The following CYP3A7 variants were observed in gnomAD, a reference collection of about 807,000 sequenced individuals.
CYP3A7 encodes cytochrome P450 3A7.
A neutral mutation model predicts 55.2 loss-of-function variants in CYP3A7; 45 were observed. The ratio of observed to expected loss-of-function variants is 0.82; its 90% confidence interval spans 0.64 to 1.05. CYP3A7 has a LOEUF of 1.05. Among genes scored for constraint, CYP3A7 ranks in the 50% least tolerant of loss-of-function variants. The probability of loss-of-function intolerance (pLI) is 0.00; values close to 1 mark genes in which losing one functional copy is unlikely to be tolerated. For missense variants in CYP3A7, 548 were observed against 605.3 expected, an observed-to-expected ratio of 0.91 and a Z score of 0.99; for synonymous variants, 180 against 207.4, an observed-to-expected ratio of 0.87 and a Z score of 1.13.
Position 99,713,541 on chromosome 7 carries a change from A to G in CYP3A7, c.799-6T>C, listed in dbSNP as rs575597575. On this transcript the variant is annotated splice_polypyrimidine_tract_variant and splice_region_variant and intron_variant, in intron 8 of 12. Coordinates refer to ENST00000336374, the MANE Select transcript of CYP3A7 (RefSeq NM_000765.5). Reference sequence around the variant, plus strand: ...TGAAGGAAATCCACTCGGTGCTAGAAGCAAAAAGAGAAATTTTATTGACAG... The same window carrying G: ...TGAAGGAAATCCACTCGGTGCTAGAGGCAAAAAGAGAAATTTTATTGACAG... 3.1e-6 allele frequency: 5 copies of G among 1,613,316 alleles called. No individual in the cohort carries two copies. The African/African-American group carries it at 6.7e-5, about 22-fold the overall frequency.
chr7:99,716,662 G>A (rs532895540), intron 6 of CYP3A7, among the ~76,000 whole-genome samples: 23 of 152,120 alleles, frequency 1.5e-4, no homozygotes, highest in African/African-American at 4.8e-4. Context: ...CACCTATAGC[G>A]TTTTTACCAC....
chr7:99,733,360 T>G (rs371577051), intron 1 of CYP3A7, among the ~76,000 whole-genome samples: 30 of 152,322 alleles, frequency 2.0e-4, no homozygotes, highest in East Asian at 1.4e-3. Context: ...AGGCTGTGCT[T>G]GGCAAACTGT....
chr7:99,723,561 T>C (rs929213973), intron 2 of CYP3A7, among the ~76,000 whole-genome samples: 1 of 152,160 alleles, frequency 6.6e-6, no homozygotes, highest in Non-Finnish European at 1.5e-5. Context: ...TCTCTTCACA[T>C]GGACGCAAAT....
intron 4 of CYP3A7, among the ~76,000 whole-genome samples, chr7:99,718,020 G>A (rs1444565871): frequency 6.6e-6 from 1 of 151,928 alleles, no homozygotes; most frequent in Non-Finnish European, 1.5e-5. Context: ...CTAAACCATG[G>A]GCAACATGAA....
chr7:99,710,937 G>A, intron 9 of CYP3A7, 45 bp from the exon 10 acceptor site: 2 of 1,612,814 alleles, frequency 1.2e-6, no homozygotes, highest in African/African-American at 1.3e-5. Context: ...GGTCAATGTA[G>A]GGCATCACAG....
intron 2 of CYP3A7, among the ~76,000 whole-genome samples, chr7:99,730,107 A>C (rs10271611): frequency 6.6e-6 from 1 of 152,180 alleles, no homozygotes; most frequent in African/African-American, 2.4e-5. Context: ...CTGTGGAAAT[A>C]AGCTCATAAT....
intron 7 of CYP3A7, 136 bp downstream of exon 7, chr7:99,715,622 T>C: frequency 6.9e-7 from 1 of 1,455,732 alleles, no homozygotes; most frequent in Non-Finnish European, 9.5e-7. Flanking sequence ...ATGGTGATGG[T>C]CGTACATATC....
Position 99,705,557 on chromosome 7 carries a change from T to C in CYP3A7, c.1455A>G (p.Thr485=). The change falls in exon 13 of 13, where the codon ACA becomes ACG. Residue 485 remains threonine, a synonymous_variant. Transcript: ENST00000336374. ...CAGCCTTTAGAACAATGGGTTTTTC[T>C]GTTAGAAGAAGTCCTCCAAAGCGTA... The part of the protein sequence containing the change: ...LKLRFGGLLL[T]EKPIVLKAES... The C allele has an allele frequency of 1.2e-6, 2 of 1,613,726 alleles. No homozygotes were observed. The highest frequency in any genetic ancestry group is 1.7e-6 in the Non-Finnish European group (2 of 1,179,730).
At chr7:99,727,106 A>G (rs1448418904) in intron 2 of CYP3A7, among the ~76,000 whole-genome samples, 1 of 152,174 alleles carries the variant, frequency 6.6e-6, no homozygotes, top group Non-Finnish European at 1.5e-5. Context: ...CCTTGAAGAC[A>G]GCTCTAGAGG....
chr7:99,729,707 A>T (rs1814548004), intron 2 of CYP3A7, among the ~76,000 whole-genome samples: 1 of 152,130 alleles, frequency 6.6e-6, no homozygotes, highest in Admixed American at 6.5e-5. Flanking sequence ...AATGAGTCTT[A>T]TGATCTCCCC....
intron 9 of CYP3A7, 69 bp downstream of exon 9, chr7:99,713,400 C>T: frequency 1.2e-6 from 2 of 1,603,840 alleles, no homozygotes; most frequent in South Asian, 2.2e-5. Flanking sequence ...ATACTTCCTG[C>T]ACATTTTCAG....
chr7:99,720,920 G>A (rs553320016), intron 3 of CYP3A7: 24 of 164,966 alleles, frequency 1.5e-4, no homozygotes, highest in Admixed American at 4.4e-4. Context: ...CATGTTGCCT[G>A]TATGGGCCAT....
In CYP3A7 at chr7:99,709,193, T is replaced by A. The variant is rs755804468; in HGVS notation, c.1095A>T (p.Arg365Ser). 6.2e-7 allele frequency: 1 copy of A among 1,614,018 alleles called. No individual in the cohort carries two copies. The highest frequency in any genetic ancestry group is 8.5e-7 in the Non-Finnish European group (1 of 1,179,944). Residue 365 changes from arginine (R) to serine (S), a missense_variant, in exon 11 of 13, where the codon AGA (arginine) becomes AGT (serine). Coordinates refer to ENST00000336374, the MANE Select transcript of CYP3A7 (RefSeq NM_000765.5). ...YLDMVVNETL[R>S]LFPVAMRLER... ...CAAGTCTCATAGCAACTGGGAATAA[T>A]CTGAGTGTTTCATTCACCACCATGT...
intron 2 of CYP3A7, among the ~76,000 whole-genome samples, chr7:99,724,266 A>G (rs1814323215): frequency 6.6e-6 from 1 of 152,224 alleles, no homozygotes; most frequent in African/African-American, 2.4e-5. Flanking sequence ...TTCTTCTGCA[A>G]TACCGCTTGG....
At chr7:99,713,198 G>A (rs960827461) in intron 9 of CYP3A7, among the ~76,000 whole-genome samples, 1 of 152,122 alleles carries the variant, frequency 6.6e-6, no homozygotes, top group African/African-American at 2.4e-5. Flanking sequence ...CTGAGAACTG[G>A]CATTTGATCT....
intron 1 of CYP3A7, among the ~76,000 whole-genome samples, chr7:99,734,353 C>T (rs967533003): frequency 6.6e-6 from 1 of 152,156 alleles, no homozygotes; most frequent in African/African-American, 2.4e-5. Context: ...CAGGATCTCA[C>T]TGGTGAGAAG....
At chr7:99,724,784 C>A (rs1211268617) in intron 2 of CYP3A7, among the ~76,000 whole-genome samples, 1 of 152,158 alleles carries the variant, frequency 6.6e-6, no homozygotes, top group Non-Finnish European at 1.5e-5. Flanking sequence ...CTCTATCGAC[C>A]TCTCCCAGAT....
chr7:99,707,998 T>G, intron 11 of CYP3A7, 24 bp from the exon 12 acceptor site: 1 of 1,613,626 alleles, frequency 6.2e-7, no homozygotes, highest in Non-Finnish European at 8.5e-7. Context: ...GGTAGATATT[T>G]TAAAAGTTAA....
chr7:99,728,561 C>T (rs1814503311), intron 2 of CYP3A7, among the ~76,000 whole-genome samples: 1 of 152,214 alleles, frequency 6.6e-6, no homozygotes, highest in African/African-American at 2.4e-5. Flanking sequence ...AGTTTTGCCT[C>T]ACACAAGGCC....
Sources: allele counts gnomAD v4.1 joint callset (sites outside exome capture counted in the v4.1 genomes callset), GRCh38; gene constraint gnomAD v4.1.1; transcripts MANE v1.5; gene names NCBI Gene and HGNC (gene_info 2026-07-23, HGNC 2026-07-21).